Variants in DNAH9 observed in about 807,000 individuals in gnomAD.
DNAH9 encodes DNAH9 variant protein.
DNAH9 carries 345 observed loss-of-function variants against 471.6 expected under a neutral mutation model. The observed-to-expected ratio is 0.73, with a 90% confidence interval of 0.67 to 0.80. The LOEUF is 0.80. Among genes scored for constraint, DNAH9 ranks in the 30% least tolerant of loss-of-function variants. The probability of loss-of-function intolerance (pLI) is 0.00; values close to 1 mark genes in which losing one functional copy is unlikely to be tolerated. For synonymous variants in DNAH9, 2,093 were observed against 2,123.6 expected, an observed-to-expected ratio of 0.99 and a Z score of 0.40; for missense variants, 5,407 against 5,609.2, an observed-to-expected ratio of 0.96 and a Z score of 1.15.
At position 11,619,633 on chromosome 17, in the gene DNAH9, T is replaced by G; in HGVS notation, c.1202T>G (p.Leu401Trp). ...AAACTGCAAGTGGTCTCAGACACTTTGAGCTTCTTCAAGCAAGAGTTTCAG... is the reference window on the plus strand; with the variant it reads ...AAACTGCAAGTGGTCTCAGACACTTGGAGCTTCTTCAAGCAAGAGTTTCAG... ...QRKLQVVSDT[L>W]SFFKQEFQDR... Residue 401 changes from leucine (L) to tryptophan (W), a missense_variant, in exon 6 of 69, where the codon TTG becomes TGG. By Grantham distance (61) the Leu-to-Trp change is moderately conservative. Transcript: ENST00000262442. The G allele has an allele frequency of 6.2e-7, 1 of 1,614,122 alleles. No individual in the cohort carries two copies. Among genetic ancestry groups the G allele is most frequent in the Non-Finnish European group, 8.5e-7 (1 of 1,179,950 alleles).
intron 53 of DNAH9, among the ~76,000 whole-genome samples, chr17:11,876,508 A>G (rs1972490469): frequency 6.6e-6 from 1 of 152,198 alleles, no homozygotes; most frequent in African/African-American, 2.4e-5. Context: ...ATGCCACAAC[A>G]TGGATGAATC....
intron 41 of DNAH9, among the ~76,000 whole-genome samples, chr17:11,792,706 A>T (rs1000327140): frequency 8.5e-5 from 13 of 152,224 alleles, no homozygotes; most frequent in African/African-American, 2.9e-4. Flanking sequence ...TATAGTTCTG[A>T]TTTTACATAG....
chr17:11,627,679 G>A lies in DNAH9; in HGVS notation c.1351-1738G>A, dbSNP rs544276674. Among the ~76,000 whole-genome samples the A allele has an allele frequency of 5.3e-5, 8 of 152,224 alleles. No individual in the cohort carries two copies. In the South Asian group the frequency reaches 1.7e-3, roughly 32 times the overall value. On this transcript the variant is annotated intron_variant, in intron 6 of 68. Transcript: ENST00000262442. ...CATTAGTGGCAAAAGTCCCTCCCTG[G>A]TTTTGGCATCTGTCTTCCCTGCCTT...
chr17:11,672,752 A>G (rs2073991974), intron 17 of DNAH9, among the ~76,000 whole-genome samples: 1 of 151,842 alleles, frequency 6.6e-6, no homozygotes, highest in South Asian at 2.1e-4. Flanking sequence ...TCACTCTACC[A>G]TACCTCTGCT....
At chr17:11,767,601 T>G (rs1242460621) in intron 36 of DNAH9, among the ~76,000 whole-genome samples, 1 of 151,998 alleles carries the variant, frequency 6.6e-6, no homozygotes, top group Non-Finnish European at 1.5e-5. Flanking sequence ...ATATGGGACT[T>G]TTTTTTTCCT....
chr17:11,807,993 C>A, intron 44 of DNAH9, 99 bp downstream of exon 44: 2 of 1,326,508 alleles, frequency 1.5e-6, no homozygotes, highest in Non-Finnish European at 2.1e-6. Flanking sequence ...CTGTCTGGAG[C>A]CTCCCCTTCA....
intron 4 of DNAH9, among the ~76,000 whole-genome samples, chr17:11,613,210 T>C (rs568987368): frequency 6.6e-6 from 1 of 152,260 alleles, no homozygotes; most frequent in South Asian, 2.1e-4. Context: ...AGATTCTGTG[T>C]TCCCGAGGAA....
rs375463890 is a variant in DNAH9, at chr17:11,606,535, G to A, written c.418-1594G>A. Among the ~76,000 whole-genome samples the A allele has an allele frequency of 4.6e-5, 6 of 130,678 alleles. No homozygotes were observed. In the East Asian group the frequency reaches 1.0e-3, roughly 22 times the overall value. The allele number at this position is 130,678 out of a possible 152,430, so 85.7% of individuals were successfully genotyped here. A position where few individuals can be genotyped will look rare whatever the true frequency, so the allele number is the denominator to read the frequency against. On this transcript the variant is annotated intron_variant, in intron 1 of 68. Transcript: ENST00000262442. ...GCAATCTCGGCTCACTGCAACCTCC[G>A]CCTCCCGGGTTCAAGCGATTCCCCT...
In DNAH9 at chr17:11,807,864, G is replaced by C; in HGVS notation, c.8553G>C (p.Leu2851=). The change falls in exon 44 of 69, where the codon CTG becomes CTC. Residue 2851 remains leucine (L), a synonymous_variant. Transcript: ENST00000262442. The part of the protein sequence containing the change: ...ISSMDVFQIT[L]RKGYQIQDFK... ...CCATGGATGTCTTCCAGATCACACT[G>C]CGCAAAGGCTACCAGATCCAGGACT... 1.2e-6 allele frequency: 2 copies of C among 1,612,494 alleles called. No homozygotes were observed. Among genetic ancestry groups the C allele is most frequent in the Non-Finnish European group, 1.7e-6 (2 of 1,178,698 alleles).
chr17:11,903,367 GAAATT>G (rs1469927853), intron 60 of DNAH9, among the ~76,000 whole-genome samples: 1 of 151,774 alleles, frequency 6.6e-6, no homozygotes, highest in Non-Finnish European at 1.5e-5. Flanking sequence ...AAAAAAAAAG[GAAATT>G]AAATAGCCAT....
At chr17:11,842,138 A>G (rs1171857195) in intron 49 of DNAH9, among the ~76,000 whole-genome samples, 1 of 152,180 alleles carries the variant, frequency 6.6e-6, no homozygotes, top group Non-Finnish European at 1.5e-5. Context: ...GAATTCTAGG[A>G]GAAGTCAGGG....
At chr17:11,669,882 G>A (rs113154155) in intron 17 of DNAH9, 88 bp downstream of exon 17, 2 of 1,139,120 alleles carry the variant, frequency 1.8e-6, no homozygotes, top group Admixed American at 2.1e-5. Context: ...TTTCCCCATG[G>A]GTATGTTGGT....
At chr17:11,657,948 A>G (rs1039086645) in intron 14 of DNAH9, among the ~76,000 whole-genome samples, 11 of 152,036 alleles carry the variant, frequency 7.2e-5, no homozygotes, top group African/African-American at 2.7e-4. Flanking sequence ...ATCAGGTTCT[A>G]TATGTCCTGC....
intron 52 of DNAH9, 59 bp from the exon 53 acceptor site, chr17:11,874,890 T>C: frequency 2.3e-6 from 3 of 1,282,186 alleles, no homozygotes; most frequent in Non-Finnish European, 2.2e-6. Flanking sequence ...ACTGCATTCA[T>C]CCCAGCTGAG....
chr17:11,915,901 T>G (rs969810035), intron 61 of DNAH9, among the ~76,000 whole-genome samples: 1 of 152,230 alleles, frequency 6.6e-6, no homozygotes, highest in Admixed American at 6.5e-5. Context: ...CCTACCTGCT[T>G]GTCATTAACA....
At position 11,611,653 on chromosome 17, in the gene DNAH9, T is replaced by G. The variant is rs2072640121; in HGVS notation, c.777T>G (p.Tyr259Ter). Residue 259 changes from tyrosine (Y) to a stop codon, truncating the protein, a stop_gained, in exon 4 of 69, where the codon TAT becomes TAG. Coordinates refer to ENST00000262442, the MANE Select transcript of DNAH9 (RefSeq NM_001372.4). LOFTEE classifies it high-confidence loss of function. ...ACCCTTCTTCATGATATTGCAGGTA[T>G]GAAGATCTGAAATACATCTATAATC... Reference protein sequence around the residue: ...KVELEFWKSRYEDLKYIYNQL... With the variant: ...KVELEFWKSR The G allele has an allele frequency of 1.2e-6, 2 of 1,613,890 alleles. No individual in the cohort carries two copies. Among genetic ancestry groups the G allele is most frequent in the Admixed American group, 3.3e-5 (2 of 60,010 alleles).
At chr17:11,875,250 C>T in intron 53 of DNAH9, 66 bp downstream of exon 53, 2 of 1,308,444 alleles carry the variant, frequency 1.5e-6, no homozygotes, top group Non-Finnish European at 2.1e-6. Context: ...AGATCATGAG[C>T]AGATTTTAAG....
At chr17:11,762,770 G>GTTTTTTTTGTTTTTTTTTTT (rs1555584658) in intron 35 of DNAH9, among the ~76,000 whole-genome samples, 14 of 90,736 alleles carry the variant, frequency 1.5e-4, no homozygotes, top group South Asian at 8.2e-4. Context: ...TTTTTTTTTT[G>GTTTTTTTTGTTTTTTTTTTT]TTTTTTTTTT....
intron 2 of DNAH9, among the ~76,000 whole-genome samples, chr17:11,609,213 CAATGCATTATAA>C (rs1258130908): frequency 6.6e-6 from 1 of 152,016 alleles, no homozygotes; most frequent in Admixed American, 6.6e-5. Context: ...TATATGCGTG[CAATGCATTATAA>C]AATACAACAA....
Sources: allele counts gnomAD v4.1 joint callset (sites outside exome capture counted in the v4.1 genomes callset), GRCh38; gene constraint gnomAD v4.1.1; transcripts MANE v1.5; gene names NCBI Gene and HGNC (gene_info 2026-07-23, HGNC 2026-07-21).